The following REM1 variants were observed in gnomAD, a reference collection of about 807,000 sequenced individuals.
The protein encoded by REM1 is RRAD and GEM like GTPase 1, also known as GTP-binding protein REM 1.
A neutral mutation model predicts 27.0 loss-of-function variants in REM1; 20 were observed. The ratio of observed to expected loss-of-function variants is 0.74; its 90% CI spans 0.52 to 1.08. The LOEUF is 1.08. REM1 is among the 50% of genes least tolerant of loss of function. The probability of loss-of-function intolerance (pLI) is 0.00; values close to 1 mark genes in which losing one functional copy is unlikely to be tolerated. For synonymous variants in REM1, 159 were observed against 167.9 expected (o/e 0.95, Z 0.41); for missense variants, 405 against 407.0 (o/e 1.00, Z 0.04).
intron 4 of REM1, among the ~76,000 whole-genome samples, chr20:31,483,369 T>C (rs1215276516): frequency 6.6e-6 from 1 of 152,214 alleles, no homozygotes; most frequent in Non-Finnish European, 1.5e-5. Flanking sequence ...ACCAGGATGA[T>C]AGGCCCAGTG....
Position 31,484,226 on chromosome 20 carries a change from T to C in REM1, c.693T>C (p.Asn231=), listed in dbSNP as rs571702094. The C allele has an allele frequency of 5.6e-6, 9 of 1,609,276 alleles. No homozygotes were observed. Among genetic ancestry groups the C allele is most frequent in the African/African-American group, 1.3e-5 (1 of 74,862 alleles). Residue 231 remains asparagine (N), a synonymous_variant, in exon 5 of 5, where the codon AAT becomes AAC. Coordinates refer to ENST00000201979, the MANE Select transcript of REM1 (RefSeq NM_014012.6). ...FIETSATLQH[N]VAELFEGVVR... Reference sequence around the variant, plus strand: ...AGACATCCGCCACGCTGCAGCACAATGTGGCCGAGCTCTTCGAGGGCGTGG... The same window carrying C: ...AGACATCCGCCACGCTGCAGCACAACGTGGCCGAGCTCTTCGAGGGCGTGG...
At chr20:31,480,013 T>C (rs142438112) in intron 3 of REM1, among the ~76,000 whole-genome samples, 1,819 of 152,142 alleles carry the variant, frequency 0.012, 17 homozygotes, top group Non-Finnish European at 0.02. Flanking sequence ...CACTTGAACC[T>C]GGGAGGCAGA....
intron 3 of REM1, among the ~76,000 whole-genome samples, chr20:31,481,385 TC>T: frequency 6.6e-6 from 1 of 152,124 alleles, no homozygotes; most frequent in South Asian, 2.1e-4. Context: ...TGGAATCTCT[TC>T]CCTCCTGCTT....
Position 31,476,546 on chromosome 20 carries a change from G to A in REM1, c.101G>A (p.Ser34Asn). ...CGGGGCCACCAGCCTGGCCGCCTGA[G>A]CACAGTGCCTTCCACTCAATCCCAG... ...SPRGHQPGRLSTVPSTQSQHP... is the reference protein window; with the variant it reads ...SPRGHQPGRLNTVPSTQSQHP... Residue 34 changes from serine (S) to asparagine (N), a missense_variant, in exon 2 of 5, where the codon AGC becomes AAC. Transcript: ENST00000201979. 3 of 1,614,152 alleles carry A rather than the reference G, an allele frequency of 1.9e-6. No homozygotes were observed. In the South Asian group the frequency reaches 3.3e-5, roughly 18 times the overall value.
In REM1 at chr20:31,484,736, A is replaced by G; in HGVS notation, c.*306A>G. The G allele has an allele frequency of 2.7e-6, 1 of 376,408 alleles. No individual in the cohort carries two copies. The highest frequency in any genetic ancestry group is 4.7e-5 in the East Asian group (1 of 21,078). The allele number at this position is 376,408 out of a possible 1,614,324, so 23.3% of individuals were successfully genotyped here. A position where few individuals can be genotyped will look rare whatever the true frequency, so the allele number is the denominator to read the frequency against. The stretch of plus-strand genomic sequence containing the variant: ...GCCAACCCTCAGAAACCCTCACAAT[A>G]AACCAGACCAGAAGGATGTCCCATC... On this transcript the variant is annotated 3_prime_UTR_variant, in exon 5 of 5. Coordinates refer to ENST00000201979, the MANE Select transcript of REM1 (RefSeq NM_014012.6).
At chr20:31,478,003 G>A (rs1980585222) in intron 3 of REM1, 93 bp downstream of exon 3, 3 of 779,802 alleles carry the variant, frequency 3.8e-6, no homozygotes, top group East Asian at 5.4e-5. Flanking sequence ...CAGATCAGGT[G>A]TGAGCAACGG....
intron 3 of REM1, 37 bp downstream of exon 3, chr20:31,477,947 C>A: frequency 7.4e-7 from 1 of 1,352,062 alleles, no homozygotes; most frequent in Non-Finnish European, 1.1e-6. Flanking sequence ...GAGAGGGGTG[C>A]TGAGCCTAAT....
chr20:31,484,781 A>C lies in REM1; in HGVS notation c.*351A>C. On this transcript the variant is annotated 3_prime_UTR_variant, in exon 5 of 5. Coordinates refer to ENST00000201979, the MANE Select transcript of REM1 (RefSeq NM_014012.6). ...CCCATCTGAATGCCCAGACCTCTCCATCTCGGCTCTTCCAGGCGTCTCCAC... is the reference window on the plus strand; with the variant it reads ...CCCATCTGAATGCCCAGACCTCTCCCTCTCGGCTCTTCCAGGCGTCTCCAC... The C allele has an allele frequency of 4.5e-5, 11 of 245,682 alleles. No homozygotes were observed. Among genetic ancestry groups the C allele is most frequent in the South Asian group, 1.2e-4 (1 of 8,656 alleles). 15.2% of individuals were successfully genotyped at this position (245,682 alleles called of 1,614,324 possible).
At chr20:31,476,867 G>A in intron 2 of REM1, 82 bp downstream of exon 2, 1 of 1,177,990 alleles carries the variant, frequency 8.5e-7, no homozygotes, top group Non-Finnish European at 1.2e-6. Context: ...GCCAAGAACA[G>A]TTGTACAAGT....
Position 31,484,456 on chromosome 20 carries a change from C to T in REM1, c.*26C>T, listed in dbSNP as rs1313502697. 27 of 1,459,846 alleles carry T rather than the reference C, an allele frequency of 1.8e-5. No homozygotes were observed. The highest frequency in any genetic ancestry group is 2.4e-5 in the Non-Finnish European group (26 of 1,104,118). 90.4% of individuals were successfully genotyped at this position (1,459,846 alleles called of 1,614,324 possible). ...AGCCCCCCGCCCTTCTGAGAGTTGGCGGGTCACTGAGGTGCATTCTGGGCT... is the reference window on the plus strand; with the variant it reads ...AGCCCCCCGCCCTTCTGAGAGTTGGTGGGTCACTGAGGTGCATTCTGGGCT... On this transcript the variant is annotated 3_prime_UTR_variant, in exon 5 of 5. Transcript: ENST00000201979.
intron 3 of REM1, among the ~76,000 whole-genome samples, chr20:31,480,903 C>G (rs556661894): frequency 6.6e-6 from 1 of 152,296 alleles, no homozygotes; most frequent in African/African-American, 2.4e-5. Context: ...GAACTTACCC[C>G]CCTTTGACAA....
Position 31,482,408 on chromosome 20 carries a change from C to T in REM1, c.545C>T (p.Thr182Ile). Residue 182 changes from threonine (T) to isoleucine (I), a missense_variant, in exon 4 of 5, where the codon ACA becomes ATA. Coordinates refer to ENST00000201979, the MANE Select transcript of REM1 (RefSeq NM_014012.6). The stretch of plus-strand genomic sequence containing the variant: ...GAGCTCCGCATCCAGCTGCGGCGCA[C>T]ACATCAGGCAGACCATGTGCCCATC... ...ASELRIQLRRTHQADHVPIIL... is the reference protein window; with the variant it reads ...ASELRIQLRRIHQADHVPIIL... The T allele has an allele frequency of 6.2e-7, 1 of 1,614,200 alleles. No homozygotes were observed. The highest frequency in any genetic ancestry group is 8.5e-7 in the Non-Finnish European group (1 of 1,180,034).
chr20:31,477,874 A>C lies in REM1; in HGVS notation c.387A>C (p.Thr129=), dbSNP rs568510900. The part of the protein sequence containing the change: ...RTLTVDGEDT[T]LVVVDTWEAE... ...TCACGGTGGATGGAGAAGACACCACACTGGTGGTCGTGGACACCTGGGAGG... is the reference window on the plus strand; with the variant it reads ...TCACGGTGGATGGAGAAGACACCACCCTGGTGGTCGTGGACACCTGGGAGG... Residue 129 remains threonine, a synonymous_variant, in exon 3 of 5, where the codon ACA becomes ACC. Transcript: ENST00000201979. The C allele has an allele frequency of 1.9e-6, 3 of 1,612,956 alleles. No homozygotes were observed. The highest frequency in any genetic ancestry group is 2.7e-5 in the African/African-American group (2 of 74,980).
intron 3 of REM1, among the ~76,000 whole-genome samples, chr20:31,480,238 CATACATACACACATACAT>C (rs1568762842): frequency 1.2e-4 from 9 of 75,950 alleles, no homozygotes; most frequent in Non-Finnish European, 1.9e-4. Context: ...TAGACAGATA[CATACATACACACATACAT>C]ACATACATAC....
intron 2 of REM1, 172 bp from the exon 3 acceptor site, chr20:31,477,656 C>T (rs1820259761): frequency 6.5e-6 from 1 of 152,972 alleles, no homozygotes; most frequent in Admixed American, 6.5e-5. Context: ...GGTACTATGG[C>T]AGCTGGGGAG....
At chr20:31,482,233 T>G (rs929814115) in intron 3 of REM1, 54 bp from the exon 4 acceptor site, 1 of 1,576,692 alleles carries the variant, frequency 6.3e-7, no homozygotes, top group African/African-American at 1.3e-5. Flanking sequence ...TCCACCTTCC[T>G]CAGCCAGGGC....
intron 4 of REM1, 129 bp from the exon 5 acceptor site, chr20:31,484,030 C>T: frequency 9.4e-7 from 1 of 1,068,422 alleles, no homozygotes; most frequent in Non-Finnish European, 1.3e-6. Flanking sequence ...ATCTGAGTCC[C>T]CAGACAGCAG....
chr20:31,482,848 T>G (rs1476253558), intron 4 of REM1, among the ~76,000 whole-genome samples: 2 of 152,228 alleles, frequency 1.3e-5, no homozygotes, highest in African/African-American at 4.8e-5. Flanking sequence ...AATTCCTGTA[T>G]GTGGTGGGGC....
chr20:31,480,421 T>A (rs1286705921), intron 3 of REM1, among the ~76,000 whole-genome samples: 1 of 152,106 alleles, frequency 6.6e-6, no homozygotes, highest in Non-Finnish European at 1.5e-5. Context: ...CCTCCCAGGT[T>A]CAAGCTATTC....
Sources: allele counts gnomAD v4.1 joint callset (sites outside exome capture counted in the v4.1 genomes callset), GRCh38; gene constraint gnomAD v4.1.1; transcripts MANE v1.5; gene names NCBI Gene and HGNC (gene_info 2026-07-23, HGNC 2026-07-21).